The following NELL2 variants were observed in gnomAD, a reference collection of about 807,000 sequenced individuals.
The protein encoded by NELL2 is protein kinase C-binding protein NELL2.
Under a neutral mutation model 109.6 loss-of-function variants are expected in NELL2, and 41 were observed. That is an observed-to-expected ratio of 0.37 (90% CI 0.29 to 0.49). NELL2 has a LOEUF of 0.49. Ranked by LOEUF, NELL2 falls within the 20% of genes least tolerant of loss-of-function variation. The pLI is 0.98. For missense variants in NELL2, 900 were observed against 1,008.3 expected (o/e 0.89, Z 1.45); for synonymous variants, 355 against 344.7 (o/e 1.03, Z -0.33).
chr12:44,606,920 A>G (rs976519153), intron 15 of NELL2, among the ~76,000 whole-genome samples: 1 of 152,102 alleles, frequency 6.6e-6, no homozygotes, highest in Non-Finnish European at 1.5e-5. Flanking sequence ...GGGTAATTCC[A>G]CACATGTTTC....
intron 13 of NELL2, among the ~76,000 whole-genome samples, chr12:44,654,399 T>C (rs1158897091): frequency 6.6e-6 from 1 of 152,206 alleles, no homozygotes; most frequent in African/African-American, 2.4e-5. Flanking sequence ...ATTAACTACA[T>C]ATAATACTCA....
At chr12:44,661,679 C>T (rs561390137) in intron 13 of NELL2, among the ~76,000 whole-genome samples, 6 of 152,078 alleles carry the variant, frequency 3.9e-5, no homozygotes, top group Non-Finnish European at 5.9e-5. Context: ...TTAATTAATG[C>T]TTACGTGAGT....
intron 9 of NELL2, among the ~76,000 whole-genome samples, chr12:44,728,837 G>A (rs982362084): frequency 6.6e-6 from 1 of 152,102 alleles, no homozygotes; most frequent in Non-Finnish European, 1.5e-5. Flanking sequence ...TATTTAAAGT[G>A]TTGGAAGAAA....
intron 9 of NELL2, among the ~76,000 whole-genome samples, chr12:44,737,960 A>T (rs917586491): frequency 1.3e-5 from 2 of 152,174 alleles, no homozygotes; most frequent in Admixed American, 1.3e-4. Flanking sequence ...GAGAGACTAA[A>T]TAAGGAAGTC....
rs573452073 is a variant in NELL2 at position 44,768,291 on chromosome 12, A to T, written c.994+6456T>A. On this transcript the variant is annotated intron_variant, in intron 9 of 19. Transcript: ENST00000429094. ...TTTATAATGTTTAAAAGGTAGCAGC[A>T]TGCCAAGTGCCTTTTTAAAGGGTTT... is the stretch of plus-strand genomic sequence containing the variant. 1.4e-4 allele frequency among the ~76,000 whole-genome samples: 21 copies of T among 150,014 alleles called. 1 individual carries two copies. In the South Asian group the frequency reaches 4.5e-3, roughly 32 times the overall value.
At chr12:44,734,655 T>G (rs1939545982) in intron 9 of NELL2, among the ~76,000 whole-genome samples, 2 of 151,924 alleles carry the variant, frequency 1.3e-5, no homozygotes, top group Non-Finnish European at 2.9e-5. Context: ...AAAATTAAGT[T>G]TAGTCAATAA....
intron 16 of NELL2, among the ~76,000 whole-genome samples, chr12:44,532,236 T>A (rs1942098355): frequency 6.6e-6 from 1 of 152,186 alleles, no homozygotes; most frequent in African/African-American, 2.4e-5. Context: ...CTATCTTGCT[T>A]TTCTCATGTA....
Position 44,818,540 on chromosome 12 carries a change from A to G in NELL2, c.185-2404T>C, listed in dbSNP as rs11182700. Among the ~76,000 whole-genome samples, 2,046 of 152,200 alleles carry G rather than the reference A, an allele frequency of 0.013. 107 individuals are homozygous for G. In the East Asian group the frequency reaches 0.19, roughly 14 times the overall value. ...GAGCTCTTACAGCAAGAGAAAAGGAATTTGGAAATGTGTGGCAGCTGCCTT... is the reference window on the plus strand; with the variant it reads ...GAGCTCTTACAGCAAGAGAAAAGGAGTTTGGAAATGTGTGGCAGCTGCCTT... On this transcript the variant is annotated intron_variant, in intron 2 of 19. Coordinates refer to ENST00000429094, the MANE Select transcript of NELL2 (RefSeq NM_001145108.2).
chr12:44,897,527 C>A (rs554622689), intron 1 of NELL2, among the ~76,000 whole-genome samples: 2 of 152,094 alleles, frequency 1.3e-5, no homozygotes, highest in Admixed American at 1.3e-4. Context: ...TTGGGGAACT[C>A]CCTCTCCTAG....
At chr12:44,555,864 G>C (rs1943231513) in intron 15 of NELL2, among the ~76,000 whole-genome samples, 1 of 152,114 alleles carries the variant, frequency 6.6e-6, no homozygotes, top group Non-Finnish European at 1.5e-5. Context: ...TTTATCAGTG[G>C]GGGATTGATT....
At chr12:44,771,339 G>A (rs75915651) in intron 9 of NELL2, among the ~76,000 whole-genome samples, 1 of 147,852 alleles carries the variant, frequency 6.8e-6, no homozygotes, top group Admixed American at 6.7e-5. Context: ...ATAACAGATG[G>A]TTTTTTTAAA....
intron 2 of NELL2, chr12:44,851,792 T>C (rs561281768): frequency 2.0e-5 from 3 of 152,330 alleles, no homozygotes; most frequent in African/African-American, 7.2e-5. Context: ...CAACAATCTG[T>C]ACCAGCGAGA....
chr12:44,551,441 T>C (rs1164303817), intron 15 of NELL2, among the ~76,000 whole-genome samples: 1 of 152,208 alleles, frequency 6.6e-6, no homozygotes, highest in Non-Finnish European at 1.5e-5. Context: ...GTCTTGAGGA[T>C]ACATGAGTAA....
intron 9 of NELL2, among the ~76,000 whole-genome samples, chr12:44,769,260 A>G (rs1468728380): frequency 6.6e-6 from 1 of 152,154 alleles, no homozygotes; most frequent in Non-Finnish European, 1.5e-5. Context: ...AAGCAAGAAA[A>G]TAGTTCTTTG....
rs11182577 is a variant in NELL2, at chr12:44,623,928, T to G, written c.1445-12958A>C. Reference sequence around the variant, plus strand: ...GCATGTTCTCACTCATGAGTGAGAGTTGAACAATGAGAACACATGGACACA... The same window carrying G: ...GCATGTTCTCACTCATGAGTGAGAGGTGAACAATGAGAACACATGGACACA... On this transcript the variant is annotated intron_variant, in intron 13 of 19. Transcript: ENST00000429094. Among the ~76,000 whole-genome samples the G allele has an allele frequency of 1.2e-3, 189 of 151,664 alleles. 3 individuals are homozygous for G. In the East Asian group the frequency reaches 0.026, roughly 21 times the overall value.
At chr12:44,615,321 A>G (rs536362067) in intron 13 of NELL2, among the ~76,000 whole-genome samples, 17 of 152,222 alleles carry the variant, frequency 1.1e-4, no homozygotes, top group African/African-American at 4.1e-4. Flanking sequence ...TGGAATCTCG[A>G]GGCCCTTATA....
At chr12:44,545,202 T>TC (rs1172541642) in intron 15 of NELL2, among the ~76,000 whole-genome samples, 1 of 152,090 alleles carries the variant, frequency 6.6e-6, no homozygotes, top group Admixed American at 6.6e-5. Context: ...TTCTGGAAAC[T>TC]CCTTAAGACT....
intron 15 of NELL2, among the ~76,000 whole-genome samples, chr12:44,587,284 A>AAAAAAAAAAAAATATATATATATAT: frequency 2.1e-4 from 15 of 72,164 alleles, no homozygotes; most frequent in Admixed American, 3.3e-4. Flanking sequence ...AAAAAAAAAA[A>AAAAAAAAAAAAATATATATATATAT]ATATATATAT....
intron 11 of NELL2, 102 bp from the exon 12 acceptor site, chr12:44,703,956 A>G: frequency 1.0e-6 from 1 of 970,614 alleles, no homozygotes; most frequent in Non-Finnish European, 1.5e-6. Flanking sequence ...GACTCCCTAA[A>G]TAATTTTTTA....
Sources: gnomAD v4.1 joint callset for allele counts (sites outside exome capture counted in the v4.1 genomes callset) on GRCh38, gnomAD v4.1.1 for gene constraint, MANE v1.5 for transcripts, NCBI Gene and HGNC (gene_info 2026-07-23, HGNC 2026-07-21) for gene names.